The following PAX5 variants were observed in gnomAD, a reference collection of about 807,000 sequenced individuals.
PAX5 encodes paired box protein Pax-5.
Under a neutral mutation model 43.7 loss-of-function variants are expected in PAX5, and 9 were observed. The ratio of observed to expected loss-of-function variants is 0.21; its 90% CI spans 0.12 to 0.36. The LOEUF (loss-of-function observed/expected upper bound fraction) is 0.36. PAX5 is among the 10% of genes least tolerant of loss of function. The pLI is 1.00. For missense variants in PAX5, 383 were observed against 532.7 expected, an observed-to-expected ratio of 0.72 and a Z score of 2.77; for synonymous variants, 228 against 214.3, an observed-to-expected ratio of 1.06 and a Z score of -0.56.
intron 5 of PAX5, among the ~76,000 whole-genome samples, chr9:36,996,916 T>A (rs932133450): frequency 2.6e-5 from 4 of 151,482 alleles, no homozygotes; most frequent in Non-Finnish European, 5.9e-5. Context: ...AGTGTGTGTG[T>A]GAGAGAGAGT....
At chr9:36,983,599 A>G (rs1564039242) in intron 5 of PAX5, among the ~76,000 whole-genome samples, 1 of 152,192 alleles carries the variant, frequency 6.6e-6, no homozygotes, top group Non-Finnish European at 1.5e-5. Context: ...TTAAAGAGGA[A>G]ACATTGGATT....
intron 6 of PAX5, among the ~76,000 whole-genome samples, chr9:36,948,864 C>T (rs934953362): frequency 2.0e-5 from 3 of 152,044 alleles, no homozygotes; most frequent in Admixed American, 1.3e-4. Flanking sequence ...CCCACCTGAG[C>T]TTTCTTGATC....
chr9:36,962,287 G>A (rs1356941929), intron 6 of PAX5, among the ~76,000 whole-genome samples: 1 of 152,220 alleles, frequency 6.6e-6, no homozygotes, highest in Admixed American at 6.5e-5. Flanking sequence ...CAGAAAACTG[G>A]CCCCTGGAAT....
intron 5 of PAX5, among the ~76,000 whole-genome samples, chr9:36,986,264 G>A (rs897115091): frequency 4.0e-5 from 6 of 149,684 alleles, no homozygotes; most frequent in Non-Finnish European, 7.4e-5. Context: ...CCTGGCCGCC[G>A]CGGGCCGCGC....
chr9:37,002,609 G>A (rs973749950), intron 5 of PAX5, 39 bp downstream of exon 5: 1 of 1,589,494 alleles, frequency 6.3e-7, no homozygotes. Context: ...CAGACCCCGT[G>A]GAGCGCATCC....
At chr9:36,899,836 C>T (rs1185880019) in intron 7 of PAX5, among the ~76,000 whole-genome samples, 1 of 152,200 alleles carries the variant, frequency 6.6e-6, no homozygotes, top group East Asian at 1.9e-4. Flanking sequence ...CTTCAGGGCT[C>T]CACTGCCACA....
At chr9:36,966,808 G>C in intron 5 of PAX5, 84 bp from the exon 6 acceptor site, 1 of 1,291,136 alleles carries the variant, frequency 7.7e-7, no homozygotes, top group South Asian at 1.4e-5. Flanking sequence ...AGACTATGAA[G>C]AGGACCTGAC....
chr9:36,920,732 A>G (rs1193586434), intron 7 of PAX5, among the ~76,000 whole-genome samples: 1 of 151,696 alleles, frequency 6.6e-6, no homozygotes, highest in Non-Finnish European at 1.5e-5. Context: ...TCCTGTGAGC[A>G]TCATGTCATA....
intron 6 of PAX5, among the ~76,000 whole-genome samples, chr9:36,943,065 A>G (rs1434979811): frequency 6.6e-6 from 1 of 152,174 alleles, no homozygotes; most frequent in East Asian, 1.9e-4. Context: ...CCTCCAGTGC[A>G]GGCCCACCCT....
At chr9:37,002,043 T>C (rs916614142) in intron 5 of PAX5, among the ~76,000 whole-genome samples, 7 of 151,958 alleles carry the variant, frequency 4.6e-5, no homozygotes, top group Admixed American at 3.9e-4. Context: ...GGGAAGATTG[T>C]CATCTTTGTA....
intron 5 of PAX5, among the ~76,000 whole-genome samples, chr9:36,978,820 A>C (rs536346164): frequency 1.3e-5 from 2 of 152,322 alleles, no homozygotes; most frequent in African/African-American, 4.8e-5. Flanking sequence ...GATGGGGCTG[A>C]TGGAGTCCCT....
chr9:36,896,370 T>C (rs1827866267), intron 7 of PAX5, among the ~76,000 whole-genome samples: 1 of 150,968 alleles, frequency 6.6e-6, no homozygotes, highest in African/African-American at 2.4e-5. Context: ...CTCCTACACC[T>C]CCAATTATTT....
chr9:36,908,026 G>T (rs113293428), intron 7 of PAX5, among the ~76,000 whole-genome samples: 1 of 152,044 alleles, frequency 6.6e-6, no homozygotes, highest in East Asian at 1.9e-4. Context: ...ATGGCAAAAC[G>T]CTGTCTCTAC....
intron 8 of PAX5, among the ~76,000 whole-genome samples, chr9:36,863,290 G>T (rs1197102350): frequency 1.3e-5 from 2 of 152,156 alleles, no homozygotes; most frequent in Non-Finnish European, 2.9e-5. Context: ...TAGAAACAGG[G>T]TCTCACTCTG....
chr9:36,864,942 G>A (rs556973427), intron 8 of PAX5, among the ~76,000 whole-genome samples: 3 of 152,362 alleles, frequency 2.0e-5, no homozygotes, highest in South Asian at 2.1e-4. Context: ...GCACTCTAAC[G>A]GGCTGGCAGG....
chr9:36,940,321 A>T (rs1306488064), intron 6 of PAX5, among the ~76,000 whole-genome samples: 2 of 152,214 alleles, frequency 1.3e-5, no homozygotes, highest in Admixed American at 6.5e-5. Context: ...CATTTACATA[A>T]TGGCATTTCT....
chr9:36,873,608 G>A (rs1297103685), intron 8 of PAX5, among the ~76,000 whole-genome samples: 2 of 152,172 alleles, frequency 1.3e-5, no homozygotes, highest in Non-Finnish European at 2.9e-5. Flanking sequence ...CAGGGGTCAA[G>A]GGAAGTTAGT....
chr9:36,973,350 A>G (rs926120213), intron 5 of PAX5, among the ~76,000 whole-genome samples: 1 of 152,016 alleles, frequency 6.6e-6, no homozygotes, highest in African/African-American at 2.4e-5. Flanking sequence ...CCTTGTGAAG[A>G]TGGGGGACAG....
At chr9:36,960,821 C>T (rs1172841662) in intron 6 of PAX5, among the ~76,000 whole-genome samples, 1 of 152,238 alleles carries the variant, frequency 6.6e-6, no homozygotes, top group Non-Finnish European at 1.5e-5. Context: ...CCTGCCCACA[C>T]CTGCATTCCT....
Sources: gnomAD v4.1 joint callset for allele counts (sites outside exome capture counted in the v4.1 genomes callset) on GRCh38, gnomAD v4.1.1 for gene constraint, MANE v1.5 for transcripts, NCBI Gene and HGNC (gene_info 2026-07-23, HGNC 2026-07-21) for gene names.